Variants in MYLIP observed in about 807,000 individuals in gnomAD.
MYLIP encodes E3 ubiquitin-protein ligase MYLIP.
A neutral mutation model predicts 45.8 loss-of-function variants in MYLIP; 26 were observed. The ratio of observed to expected loss-of-function variants is 0.57; its 90% CI spans 0.42 to 0.79. MYLIP has a LOEUF of 0.79. Among genes scored for constraint, MYLIP ranks in the 30% least tolerant of loss-of-function variants. MYLIP has a pLI of 0.00. For missense variants in MYLIP, 494 were observed against 555.6 expected, an observed-to-expected ratio of 0.89 and a Z score of 1.11; for synonymous variants, 213 against 218.1, an observed-to-expected ratio of 0.98 and a Z score of 0.21.
chr6:16,134,403 T>C (rs1489980926), intron 2 of MYLIP, among the ~76,000 whole-genome samples: 1 of 152,216 alleles, frequency 6.6e-6, no homozygotes, highest in Non-Finnish European at 1.5e-5. Context: ...CAAAAATGTT[T>C]TGTAGTGATT....
At chr6:16,137,393 A>G (rs1392391057) in intron 2 of MYLIP, among the ~76,000 whole-genome samples, 1 of 152,230 alleles carries the variant, frequency 6.6e-6, no homozygotes, top group African/African-American at 2.4e-5. Context: ...CACTATGGCT[A>G]GAGTCAGTCA....
At chr6:16,152,276 T>G (rs1268667187), downstream of MYLIP, among the ~76,000 whole-genome samples, 4 of 152,254 alleles carry the variant, frequency 2.6e-5, no homozygotes, top group African/African-American at 9.6e-5. Flanking sequence ...ATTTGGCCTT[T>G]TATTCCTTAA....
rs146887223 is a variant in MYLIP, at chr6:16,143,195, G to C, written c.640G>C (p.Asp214His). ...VGPEGISICK[D>H]DFSPINRIAY... ...ACCTGAAGGAATCTCAATTTGTAAA[G>C]ATGACTTTAGCCCAATTAATAGGTA... The change falls in exon 4 of 7, where the codon GAT (aspartate) becomes CAT (histidine). Residue 214 changes from aspartate (D) to histidine (H), a missense_variant. Asp to His is a moderately conservative substitution (Grantham distance 81, BLOSUM62 -1). Transcript: ENST00000356840. 1.2e-6 allele frequency: 2 copies of C among 1,614,180 alleles called. No individual in the cohort carries two copies. The highest frequency in any genetic ancestry group is 1.3e-5 in the African/African-American group (1 of 75,042).
At chr6:16,155,227 C>T in the MYLIP span, among the ~76,000 whole-genome samples, 9 of 152,166 alleles carry the variant, frequency 5.9e-5, no homozygotes, top group South Asian at 2.1e-4. Context: ...CCACACCCAC[C>T]GGGAATCTGG....
the MYLIP span, chr6:16,160,961 C>A: frequency 6.5e-6 from 1 of 154,708 alleles, no homozygotes; most frequent in South Asian, 2.0e-4. Context: ...TGGCCTTTGA[C>A]ATCATCATCA....
At position 16,129,109 on chromosome 6, in the gene MYLIP, C is replaced by T. The variant is rs1759396138; in HGVS notation, c.-214C>T. ...GCAGTTGGGCTGCTGGAGTGCGGCG[C>T]CACCGCGGAGGACAGGGGCAGCTGG... is the stretch of plus-strand genomic sequence containing the variant. On this transcript the variant is annotated 5_prime_UTR_variant, in exon 1 of 7. Coordinates refer to ENST00000356840, the MANE Select transcript of MYLIP (RefSeq NM_013262.4). The surrounding 1 kb of genome is among the most constrained non-coding windows in gnomAD (Gnocchi z 5.1). The T allele has an allele frequency of 3.6e-6, 2 of 557,760 alleles. No individual in the cohort carries two copies. Among genetic ancestry groups the T allele is most frequent in the Non-Finnish European group, 6.3e-6 (2 of 316,138 alleles). 34.6% of individuals were successfully genotyped at this position (557,760 alleles called of 1,614,324 possible). A position where few individuals can be genotyped will look rare whatever the true frequency, so the allele number is the denominator to read the frequency against.
chr6:16,161,381 C>G, the MYLIP span: 36 of 236,788 alleles, frequency 1.5e-4, 1 homozygote, highest in Middle Eastern at 8.3e-4. Context: ...TCCCAAACTG[C>G]GAAGATGACC....
In MYLIP at chr6:16,143,094, C is replaced by T. The variant is rs747981623; in HGVS notation, c.539C>T (p.Ser180Leu). The change falls in exon 4 of 7, where the codon TCG becomes TTG. Residue 180 changes from serine to leucine, a missense_variant. By Grantham distance (145) the Ser-to-Leu change is moderately radical. Coordinates refer to ENST00000356840, the MANE Select transcript of MYLIP (RefSeq NM_013262.4). ...GAATACCAAGTTTTGCAGATTGTGT[C>T]GGCAATGGAAAACTATGGCATAGAA... ...SAEYQVLQIVSAMENYGIEWH... is the reference protein window; with the variant it reads ...SAEYQVLQIVLAMENYGIEWH... 4.3e-6 allele frequency: 7 copies of T among 1,614,092 alleles called. No homozygotes were observed. Among genetic ancestry groups the T allele is most frequent in the South Asian group, 1.1e-5 (1 of 91,070 alleles).
chr6:16,154,289 C>G, the MYLIP span, among the ~76,000 whole-genome samples: 1 of 152,128 alleles, frequency 6.6e-6, no homozygotes, highest in African/African-American at 2.4e-5. Flanking sequence ...CCATGCCTCC[C>G]CTCTCCCCTC....
the MYLIP span, among the ~76,000 whole-genome samples, chr6:16,160,060 C>A: frequency 1.3e-5 from 2 of 152,162 alleles, no homozygotes; most frequent in Non-Finnish European, 2.9e-5. Context: ...TTCATACAAA[C>A]GTGTAAGAAC....
At chr6:16,154,358 G>A in the MYLIP span, among the ~76,000 whole-genome samples, 3 of 152,134 alleles carry the variant, frequency 2.0e-5, no homozygotes, top group Admixed American at 6.5e-5. Flanking sequence ...GTCCCTGAGC[G>A]GGTGGTTCTA....
chr6:16,156,048 G>A, the MYLIP span, among the ~76,000 whole-genome samples: 1 of 152,158 alleles, frequency 6.6e-6, no homozygotes, highest in Non-Finnish European at 1.5e-5. Flanking sequence ...GGGATGGAGT[G>A]GGAAGCTATG....
Position 16,143,852 on chromosome 6 carries a change from C to G in MYLIP, c.816C>G (p.His272Gln). The change falls in exon 5 of 7, where the codon CAC (histidine) becomes CAG (glutamine). Residue 272 changes from histidine to glutamine, a missense_variant. By Grantham distance (24) the His-to-Gln change is conservative. Transcript: ENST00000356840. ...SGLYRAITET[H>Q]AFYRCDTVTS... The stretch of plus-strand genomic sequence containing the variant: ...TCTACCGAGCGATAACAGAGACGCA[C>G]GCATTCTACAGGCACGTATCTCGTG... The G allele has an allele frequency of 6.2e-7, 1 of 1,613,012 alleles. No homozygotes were observed. Among genetic ancestry groups the G allele is most frequent in the African/African-American group, 1.3e-5 (1 of 74,724 alleles).
chr6:16,134,584 G>C (rs1429608636), intron 2 of MYLIP, among the ~76,000 whole-genome samples: 2 of 152,110 alleles, frequency 1.3e-5, no homozygotes, highest in African/African-American at 4.8e-5. Flanking sequence ...TCAAGTTATA[G>C]CATCACTTTA....
At position 16,129,656 on chromosome 6, in the gene MYLIP, CG is replaced by C. The variant is rs1242427450; in HGVS notation, c.87+250del. Among the ~76,000 whole-genome samples, 1 of 152,184 alleles carries C rather than the reference CG, an allele frequency of 6.6e-6. No individual in the cohort carries two copies. The highest frequency in any genetic ancestry group is 1.5e-5 in the Non-Finnish European group (1 of 68,018). On this transcript the variant is annotated intron_variant, in intron 1 of 6. Coordinates refer to ENST00000356840, the MANE Select transcript of MYLIP (RefSeq NM_013262.4). This position sits in a 1 kb window ranked among gnomAD's most constrained non-coding sequence, Gnocchi z 5.1. ...CTGAGGGCCGGGCGCAGCCCGCAGCCGGGATCCACCCCCCAGCGCCCCATCA... is the reference window on the plus strand; with the variant it reads ...CTGAGGGCCGGGCGCAGCCCGCAGCCGGATCCACCCCCCAGCGCCCCATCA...
chr6:16,150,972 A>G (rs988872597), downstream of MYLIP, among the ~76,000 whole-genome samples: 1 of 152,140 alleles, frequency 6.6e-6, no homozygotes, highest in African/African-American at 2.4e-5. Context: ...GAGAGCACGC[A>G]TGGGTAAAAG....
intron 2 of MYLIP, among the ~76,000 whole-genome samples, chr6:16,140,789 C>T (rs924109514): frequency 6.6e-6 from 1 of 152,192 alleles, no homozygotes; most frequent in African/African-American, 2.4e-5. Flanking sequence ...ACGTTAACAA[C>T]GTGCTCCCTT....
At chr6:16,130,501 G>T (rs2113504299) in intron 1 of MYLIP, 56 bp from the exon 2 acceptor site, 3 of 1,538,816 alleles carry the variant, frequency 1.9e-6, no homozygotes, top group East Asian at 2.3e-5. Context: ...GGAGCCGTTG[G>T]GTTTGCTTTG....
At chr6:16,160,360 A>G in the MYLIP span, among the ~76,000 whole-genome samples, 152 of 152,274 alleles carry the variant, frequency 1.0e-3, no homozygotes, top group Non-Finnish European at 1.8e-3. Flanking sequence ...TCCTGATTTT[A>G]TTTTATTCAG....
Sources: gnomAD v4.1 joint callset for allele counts (sites outside exome capture counted in the v4.1 genomes callset) on GRCh38, gnomAD v4.1.1 for gene constraint, Gnocchi (gnomAD v3.1) non-coding constraint, MANE v1.5 for transcripts, NCBI Gene and HGNC (gene_info 2026-07-23, HGNC 2026-07-21) for gene names.